Variants in ULK4 observed in about 807,000 individuals in gnomAD.
ULK4 encodes the protein unc-51 like kinase 4.
ULK4 carries 133 observed loss-of-function variants against 160.6 expected under a neutral mutation model. The observed-to-expected ratio is 0.83, with a 90% CI of 0.72 to 0.96. The LOEUF (loss-of-function observed/expected upper bound fraction) is 0.96, where lower values mean the gene tolerates loss of function less well. Ranked by LOEUF, ULK4 falls within the 40% of genes least tolerant of loss-of-function variation. The pLI is 0.00. For missense variants in ULK4, 1,580 were observed against 1,499.5 expected, an observed-to-expected ratio of 1.05 and a Z score of -0.89; for synonymous variants, 534 against 539.8, an observed-to-expected ratio of 0.99 and a Z score of 0.15.
At chr3:41,399,235 G>A (rs557490308) in intron 34 of ULK4, among the ~76,000 whole-genome samples, 1 of 152,106 alleles carries the variant, frequency 6.6e-6, no homozygotes, top group Non-Finnish European at 1.5e-5. Flanking sequence ...GTTTTCAGAC[G>A]TACTTCCCTG....
chr3:41,258,072 G>C (rs1235999630), intron 35 of ULK4, among the ~76,000 whole-genome samples: 1 of 152,184 alleles, frequency 6.6e-6, no homozygotes, highest in Non-Finnish European at 1.5e-5. Context: ...CTGTCTCCCA[G>C]AGTTGAGTGT....
At chr3:41,533,601 T>C (rs2086396621) in intron 32 of ULK4, among the ~76,000 whole-genome samples, 2 of 152,218 alleles carry the variant, frequency 1.3e-5, no homozygotes, top group South Asian at 2.1e-4. Context: ...ACACCAGTTA[T>C]GGCCATTCTT....
chr3:41,564,739 G>A (rs575824522), intron 32 of ULK4, among the ~76,000 whole-genome samples: 27 of 152,062 alleles, frequency 1.8e-4, no homozygotes, highest in South Asian at 1.7e-3. Flanking sequence ...GATTACAAGC[G>A]TGAGCCACTG....
intron 35 of ULK4, among the ~76,000 whole-genome samples, chr3:41,312,345 C>G (rs1183214190): frequency 1.3e-5 from 2 of 152,100 alleles, no homozygotes; most frequent in Non-Finnish European, 2.9e-5. Context: ...AATCAGAATC[C>G]ATTACAGCTA....
chr3:41,831,119 G>A (rs75997130), intron 18 of ULK4, among the ~76,000 whole-genome samples: 7,774 of 151,704 alleles, frequency 0.051, 495 homozygotes, highest in African/African-American at 0.15. Flanking sequence ...CCTCAACCTC[G>A]TAGGCTTGAG....
intron 35 of ULK4, among the ~76,000 whole-genome samples, chr3:41,279,144 C>T (rs1164054237): frequency 6.6e-6 from 1 of 150,676 alleles, no homozygotes; most frequent in East Asian, 2.0e-4. Context: ...AACTTCGTGA[C>T]GCATGCACGA....
rs560241778 is a variant in ULK4 at position 41,374,891 on chromosome 3, T to C, written c.3678+23188A>G. Among the ~76,000 whole-genome samples, 20 of 152,316 alleles carry C rather than the reference T, an allele frequency of 1.3e-4. No homozygotes were observed. The East Asian group carries it at 3.9e-3, about 29-fold the overall frequency. ...ATGACTGTATATTTAGAAAACTTCA[T>C]CGTCTCAGCTCAAAAACTCCTTAAG... On this transcript the variant is annotated intron_variant, in intron 35 of 36. Coordinates refer to ENST00000301831, the MANE Select transcript of ULK4 (RefSeq NM_017886.4).
chr3:41,426,614 C>T (rs1050584403), intron 34 of ULK4, among the ~76,000 whole-genome samples: 1 of 152,158 alleles, frequency 6.6e-6, no homozygotes, highest in African/African-American at 2.4e-5. Context: ...TTCAGAAACT[C>T]ACTCAAAACC....
At chr3:41,534,804 G>A (rs1411304998) in intron 32 of ULK4, among the ~76,000 whole-genome samples, 1 of 152,132 alleles carries the variant, frequency 6.6e-6, no homozygotes. Flanking sequence ...CAATGCAAGT[G>A]CTCTTTGAGA....
intron 32 of ULK4, among the ~76,000 whole-genome samples, chr3:41,508,433 C>G (rs950777188): frequency 3.3e-5 from 5 of 152,132 alleles, no homozygotes; most frequent in Non-Finnish European, 5.9e-5. Context: ...GAATACTTAA[C>G]CTGGCAACCC....
At chr3:41,364,559 C>T (rs575372378) in intron 35 of ULK4, among the ~76,000 whole-genome samples, 3 of 152,166 alleles carry the variant, frequency 2.0e-5, no homozygotes, top group African/African-American at 7.2e-5. Flanking sequence ...AAAGTCTCTC[C>T]ATTTGTGAAT....
At chr3:41,699,403 T>C (rs2036598819) in intron 27 of ULK4, among the ~76,000 whole-genome samples, 1 of 152,246 alleles carries the variant, frequency 6.6e-6, no homozygotes, top group Admixed American at 6.5e-5. Context: ...AATAGAAATA[T>C]ATTTTCATCA....
intron 30 of ULK4, among the ~76,000 whole-genome samples, chr3:41,657,373 A>G (rs1244244461): frequency 6.6e-6 from 1 of 152,204 alleles, no homozygotes. Flanking sequence ...TATACAAACA[A>G]AATTAAAACG....
rs535621322 is a variant in ULK4 at position 41,942,714 on chromosome 3, G to A, written c.139-4517C>T. Reference sequence around the variant, plus strand: ...TGCCTGTAACCCCAGCTACTCAGGAGGCTGAGGCAGGAGAATCGCTTGAAC... The same window carrying A: ...TGCCTGTAACCCCAGCTACTCAGGAAGCTGAGGCAGGAGAATCGCTTGAAC... On this transcript the variant is annotated intron_variant, in intron 2 of 36. Coordinates refer to ENST00000301831, the MANE Select transcript of ULK4 (RefSeq NM_017886.4). Among the ~76,000 whole-genome samples the A allele has an allele frequency of 1.8e-3, 281 of 152,130 alleles. 1 individual carries two copies. Among genetic ancestry groups the A allele is most frequent in the Non-Finnish European group, 3.6e-3 (242 of 68,020 alleles).
At chr3:41,460,717 T>G (rs2083663244) in intron 33 of ULK4, among the ~76,000 whole-genome samples, 1 of 152,156 alleles carries the variant, frequency 6.6e-6, no homozygotes, top group African/African-American at 2.4e-5. Flanking sequence ...TTTCTTCTTG[T>G]TGCTGTTCAT....
At chr3:41,761,962 T>A (rs896930083) in intron 21 of ULK4, among the ~76,000 whole-genome samples, 2 of 152,024 alleles carry the variant, frequency 1.3e-5, no homozygotes, top group African/African-American at 4.8e-5. Flanking sequence ...CACATGCCTG[T>A]AGTCCTAGCT....
intron 3 of ULK4, among the ~76,000 whole-genome samples, chr3:41,936,314 T>C (rs1400877660): frequency 1.3e-5 from 2 of 152,230 alleles, no homozygotes; most frequent in Non-Finnish European, 2.9e-5. Context: ...CAGGTCACAT[T>C]CTGCAAAGTA....
chr3:41,297,842 T>C (rs971359889), intron 35 of ULK4, among the ~76,000 whole-genome samples: 1 of 152,218 alleles, frequency 6.6e-6, no homozygotes, highest in Non-Finnish European at 1.5e-5. Context: ...GGTGGGTTAA[T>C]GCATTATTAC....
chr3:41,716,234 T>TAAC (rs2037262505), intron 23 of ULK4, among the ~76,000 whole-genome samples: 2 of 147,026 alleles, frequency 1.4e-5, no homozygotes, highest in South Asian at 4.3e-4. Flanking sequence ...ATAATAATAA[T>TAAC]AATAATAATA....
Sources: gnomAD v4.1 joint callset for allele counts (sites outside exome capture counted in the v4.1 genomes callset) on GRCh38, gnomAD v4.1.1 for gene constraint, MANE v1.5 for transcripts, NCBI Gene and HGNC (gene_info 2026-07-23, HGNC 2026-07-21) for gene names.